Variants in RSPH1 observed in about 807,000 individuals in gnomAD.
The protein encoded by RSPH1 is radial spoke head component 1, also known as radial spoke head 1 homolog.
In RSPH1, 32 loss-of-function variants were observed where a neutral mutation model predicts 44.2. The ratio of observed to expected loss-of-function variants is 0.72; its 90% CI spans 0.55 to 0.97. The LOEUF (loss-of-function observed/expected upper bound fraction) is 0.97. Among genes scored for constraint, RSPH1 ranks in the 50% least tolerant of loss-of-function variants. The probability of loss-of-function intolerance (pLI) is 0.00; values close to 1 mark genes in which losing one functional copy is unlikely to be tolerated. For synonymous variants in RSPH1, 134 were observed against 147.3 expected (o/e 0.91, Z 0.65); for missense variants, 391 against 398.7 (o/e 0.98, Z 0.16).
At chr21:42,476,780 C>G (rs1249211364) in intron 7 of RSPH1, among the ~76,000 whole-genome samples, 5 of 152,150 alleles carry the variant, frequency 3.3e-5, no homozygotes, top group Non-Finnish European at 7.4e-5. Flanking sequence ...TCTGTCCAAT[C>G]AACTCTGTTT....
At chr21:42,492,938 ACCAT>A in intron 2 of RSPH1, 24 bp downstream of exon 2, 1 of 1,604,322 alleles carries the variant, frequency 6.2e-7, no homozygotes, top group Non-Finnish European at 8.5e-7. Flanking sequence ...AATAGAGAAA[ACCAT>A]CCAGTCAAGT....
chr21:42,489,893 C>T (rs2054219048), intron 3 of RSPH1, among the ~76,000 whole-genome samples: 1 of 152,174 alleles, frequency 6.6e-6, no homozygotes, highest in African/African-American at 2.4e-5. Flanking sequence ...CATTCGGGGG[C>T]TTCCAAAAAA....
At chr21:42,475,033 C>G (rs2054030672) in intron 8 of RSPH1, among the ~76,000 whole-genome samples, 1 of 152,236 alleles carries the variant, frequency 6.6e-6, no homozygotes, top group Admixed American at 6.5e-5. Context: ...GCACGACACC[C>G]TCTTTCAGTC....
chr21:42,475,104 C>G (rs753160174), intron 8 of RSPH1, among the ~76,000 whole-genome samples: 2 of 152,160 alleles, frequency 1.3e-5, no homozygotes, highest in African/African-American at 4.8e-5. Flanking sequence ...CAAGTGCCCA[C>G]AAGCACTTGG....
chr21:42,494,713 T>C (rs2054269827), intron 1 of RSPH1, among the ~76,000 whole-genome samples: 1 of 151,934 alleles, frequency 6.6e-6, no homozygotes. Flanking sequence ...GATTTTTTTT[T>C]TTTTTTGAGA....
intron 3 of RSPH1, among the ~76,000 whole-genome samples, chr21:42,492,160 G>T (rs1429337083): frequency 6.6e-6 from 1 of 152,210 alleles, no homozygotes; most frequent in African/African-American, 2.4e-5. Flanking sequence ...CCCAGGTTTG[G>T]GATATCACTA....
intron 3 of RSPH1, among the ~76,000 whole-genome samples, chr21:42,492,095 G>T (rs1438599477): frequency 5.9e-5 from 9 of 152,202 alleles, no homozygotes; most frequent in Non-Finnish European, 1.0e-4. Flanking sequence ...CCAGAACACA[G>T]AATTTTATAT....
At chr21:42,482,563 C>A in intron 6 of RSPH1, 74 bp downstream of exon 6, 2 of 1,111,768 alleles carry the variant, frequency 1.8e-6, no homozygotes, top group Non-Finnish European at 2.7e-6. Flanking sequence ...TCACCTCCAA[C>A]CTTGCAGGAT....
At chr21:42,489,635 T>C (rs1232317332) in intron 3 of RSPH1, among the ~76,000 whole-genome samples, 5 of 152,206 alleles carry the variant, frequency 3.3e-5, no homozygotes, top group African/African-American at 7.2e-5. Context: ...CCCACACTTA[T>C]GGGGAAACAC....
chr21:42,479,664 G>T (rs2054105639), intron 6 of RSPH1, among the ~76,000 whole-genome samples: 1 of 151,246 alleles, frequency 6.6e-6, no homozygotes, highest in South Asian at 2.1e-4. Context: ...ATACCTCCCT[G>T]TCACAATCAA....
intron 4 of RSPH1, 150 bp from the exon 5 acceptor site, chr21:42,485,954 G>A: frequency 1.0e-6 from 1 of 985,856 alleles, no homozygotes; most frequent in South Asian, 1.5e-5. Flanking sequence ...GTCAGAAGGT[G>A]CCCCTTGCTC....
chr21:42,489,694 G>T (rs913059763), intron 3 of RSPH1, among the ~76,000 whole-genome samples: 15 of 152,194 alleles, frequency 9.9e-5, no homozygotes, highest in African/African-American at 3.6e-4. Flanking sequence ...ACAGCATTTG[G>T]TATGTGTAAT....
intron 6 of RSPH1, among the ~76,000 whole-genome samples, chr21:42,479,005 T>A (rs1001022702): frequency 2.0e-5 from 3 of 151,768 alleles, no homozygotes; most frequent in African/African-American, 7.3e-5. Flanking sequence ...AGGTACAGAG[T>A]TTCTGTCTGG....
chr21:42,487,692 C>G (rs1851925321), intron 3 of RSPH1, among the ~76,000 whole-genome samples: 1 of 152,048 alleles, frequency 6.6e-6, no homozygotes, highest in East Asian at 1.9e-4. Flanking sequence ...AAGAGGTTCT[C>G]AAAACTTACA....
chr21:42,476,782 A>C (rs943852261), intron 7 of RSPH1, among the ~76,000 whole-genome samples: 1 of 151,830 alleles, frequency 6.6e-6, no homozygotes, highest in Non-Finnish European at 1.5e-5. Context: ...TGTCCAATCA[A>C]CTCTGTTTCT....
chr21:42,486,075 G>A (rs988322522), intron 4 of RSPH1: 2 of 579,506 alleles, frequency 3.5e-6, no homozygotes, highest in African/African-American at 1.9e-5. Context: ...CAGAGCTAGT[G>A]GGAGCTGTGG....
Position 42,473,406 on chromosome 21 carries a change from G to A in RSPH1, c.878-536C>T, listed in dbSNP as rs112062063. 6.1e-3 allele frequency among the ~76,000 whole-genome samples: 922 copies of A among 150,972 alleles called. 13 individuals carry two copies. The highest frequency in any genetic ancestry group is 0.021 in the African/African-American group (848 of 40,938). ...CTTGGGAGGCTGAGGCAAGAGAATC[G>A]CTTGAACCCCGTGGCAGAGGTTTCA... On this transcript the variant is annotated intron_variant, in intron 8 of 8. Transcript: ENST00000291536.
rs188396128 is a variant in RSPH1 at position 42,492,819 on chromosome 21, A to G, written c.213T>C (p.Tyr71=). The change falls in exon 3 of 9, where the codon TAT becomes TAC. Residue 71 remains tyrosine (Y), a synonymous_variant. Coordinates refer to ENST00000291536, the MANE Select transcript of RSPH1 (RefSeq NM_080860.4). ...CTTGACCGTGCTTTTTATTTCTAAC[A>G]TATTCTCCGATATATCGAGCACCAT... is the stretch of plus-strand genomic sequence containing the variant. The part of the protein sequence containing the change: ...FKNGARYIGE[Y]VRNKKHGQGT... 1.1e-5 allele frequency: 17 copies of G among 1,613,528 alleles called. No homozygotes were observed. In the African/African-American group the frequency reaches 1.5e-4, roughly 14 times the overall value.
In RSPH1 at chr21:42,472,865, T is replaced by C. The variant is rs779853832; in HGVS notation, c.883A>G (p.Ile295Val). 1 of 1,605,780 alleles carries C rather than the reference T, an allele frequency of 6.2e-7. No homozygotes were observed. The highest frequency in any genetic ancestry group is 8.5e-7 in the Non-Finnish European group (1 of 1,172,612). The change falls in exon 9 of 9, where the codon ATT (isoleucine) becomes GTT (valine). Residue 295 changes from isoleucine to valine, a missense_variant. Transcript: ENST00000291536. ...EFRYDMDEGN[I>V]NSEEEETRQS... ...CTAGTTTCTTCTTCTTCAGAATTAA[T>C]GTTTCCTGAAAAGAAAAGAGAAACA...
Sources: gnomAD v4.1 joint callset for allele counts (sites outside exome capture counted in the v4.1 genomes callset) on GRCh38, gnomAD v4.1.1 for gene constraint, MANE v1.5 for transcripts, NCBI Gene and HGNC (gene_info 2026-07-23, HGNC 2026-07-21) for gene names.